The following SDS variants were observed in gnomAD, a reference collection of about 807,000 sequenced individuals.
SDS encodes the protein L-serine dehydratase/L-threonine deaminase.
A neutral mutation model predicts 29.3 loss-of-function variants in SDS; 19 were observed. The ratio of observed to expected loss-of-function variants is 0.65; its 90% CI spans 0.45 to 0.95. The LOEUF is 0.95. Ranked by LOEUF, SDS falls within the 40% of genes least tolerant of loss-of-function variation. The pLI, the probability that SDS is intolerant of heterozygous loss-of-function variation, is 0.00. For synonymous variants in SDS, 176 were observed against 189.0 expected, an observed-to-expected ratio of 0.93 and a Z score of 0.56; for missense variants, 375 against 439.9, an observed-to-expected ratio of 0.85 and a Z score of 1.32.
intron 6 of SDS, among the ~76,000 whole-genome samples, chr12:113,394,420 A>T (rs1351157363): frequency 4.0e-5 from 6 of 150,382 alleles, no homozygotes; most frequent in African/African-American, 1.5e-4. Flanking sequence ...GCTCACTGCA[A>T]TCTCTGCCTC....
chr12:113,399,216 C>T (rs1957668672), intron 2 of SDS, 65 bp from the exon 3 acceptor site: 2 of 1,535,954 alleles, frequency 1.3e-6, no homozygotes, highest in Middle Eastern at 1.7e-4. Context: ...TCTTCCTCCC[C>T]ACCTGGAATA....
chr12:113,396,198 A>G (rs1345655147), intron 6 of SDS, among the ~76,000 whole-genome samples: 1 of 152,188 alleles, frequency 6.6e-6, no homozygotes, highest in African/African-American at 2.4e-5. Context: ...CTCTCTCCCC[A>G]GATCAGCCAG....
chr12:113,393,174 G>A, intron 7 of SDS, 25 bp from the exon 8 acceptor site: 4 of 1,610,084 alleles, frequency 2.5e-6, no homozygotes, highest in Non-Finnish European at 3.4e-6. Context: ...GCGTGACAGG[G>A]GCGTGGCCTG....
intron 6 of SDS, among the ~76,000 whole-genome samples, chr12:113,394,741 C>A: frequency 6.6e-6 from 1 of 152,148 alleles, no homozygotes; most frequent in Non-Finnish European, 1.5e-5. Context: ...TAAGAGGACC[C>A]TTGTTGTTCC....
In SDS at chr12:113,398,521, AG is replaced by A. The variant is rs758898471; in HGVS notation, c.418del (p.Leu140SerfsTer10). On this transcript the variant is annotated frameshift_variant, in exon 5 of 8. Transcript: ENST00000257549. LOFTEE classifies it high-confidence loss of function. ...WVYIPPFDDP[L>X]IWEGHASIVK... ...GACCTTGAACTCCACATACCAGATG[AG>A]GGGGTCATCAAAGGGGGGAATGTAG... 1 of 1,588,746 alleles carries A rather than the reference AG, an allele frequency of 6.3e-7. No homozygotes were observed. The highest frequency in any genetic ancestry group is 1.9e-5 in the Admixed American group (1 of 53,216).
At chr12:113,395,570 T>C (rs1464115078) in intron 6 of SDS, among the ~76,000 whole-genome samples, 1 of 152,214 alleles carries the variant, frequency 6.6e-6, no homozygotes, top group Non-Finnish European at 1.5e-5. Context: ...GTGGAAGTGT[T>C]GTGTCTGTCT....
At chr12:113,401,896 T>A (rs1957686422) in intron 1 of SDS, among the ~76,000 whole-genome samples, 2 of 152,152 alleles carry the variant, frequency 1.3e-5, no homozygotes, top group Admixed American at 6.5e-5. Flanking sequence ...GGCTCTCTGG[T>A]TCCCCCTCCC....
intron 1 of SDS, among the ~76,000 whole-genome samples, chr12:113,400,827 G>A (rs933403068): frequency 6.6e-6 from 1 of 151,960 alleles, no homozygotes; most frequent in African/African-American, 2.4e-5. Flanking sequence ...GTTTTACCAT[G>A]TGCCTCTATT....
intron 1 of SDS, among the ~76,000 whole-genome samples, 193 bp downstream of exon 1, chr12:113,403,575 C>T (rs543071931): frequency 6.6e-6 from 1 of 152,096 alleles, no homozygotes; most frequent in Admixed American, 6.5e-5. Context: ...CACTCTGTTG[C>T]CCAGCTCAGT....
At position 113,398,569 on chromosome 12, in the gene SDS, G is replaced by C. The variant is rs148361294; in HGVS notation, c.371C>G (p.Ala124Gly). 2.5e-6 allele frequency: 4 copies of C among 1,595,464 alleles called. No individual in the cohort carries two copies. The highest frequency in any genetic ancestry group is 3.4e-6 in the Non-Finnish European group (4 of 1,170,082). Residue 124 changes from alanine (A) to glycine (G), a missense_variant, in exon 5 of 8, where the codon GCG becomes GGG. Coordinates refer to ENST00000257549, the MANE Select transcript of SDS (RefSeq NM_006843.3). ...GTAGACCCAACCCGGGTTGTTCTTC[G>C]CTAGGGCCTTGGCCAGCTCGAAGGC... ...DEAFELAKAL[A>G]KNNPGWVYIP...
chr12:113,397,506 AC>A (rs1957655189), intron 5 of SDS, 114 bp from the exon 6 acceptor site: 8 of 841,424 alleles, frequency 9.5e-6, no homozygotes, highest in South Asian at 3.6e-5. Context: ...TTCCCTCCCC[AC>A]CCCCAACCTT....
chr12:113,394,202 G>C (rs182892446), intron 6 of SDS, among the ~76,000 whole-genome samples, 186 bp from the exon 7 acceptor site: 1 of 152,172 alleles, frequency 6.6e-6, no homozygotes, highest in Non-Finnish European at 1.5e-5. Context: ...ACCAAGTGGG[G>C]TCTTCTAATA....
intron 4 of SDS, 49 bp from the exon 5 acceptor site, chr12:113,398,655 C>A: frequency 1.2e-6 from 2 of 1,606,132 alleles, no homozygotes; most frequent in Non-Finnish European, 1.7e-6. Flanking sequence ...AGGGGGCACC[C>A]TGTCCAGCCA....
intron 1 of SDS, among the ~76,000 whole-genome samples, chr12:113,400,641 A>G (rs1342172213): frequency 4.7e-5 from 7 of 148,214 alleles, no homozygotes; most frequent in Admixed American, 1.3e-4. Context: ...TATAGTCCAC[A>G]TGTTTCTTTT....
chr12:113,399,383 C>T, intron 2 of SDS, 173 bp downstream of exon 2: 2 of 915,320 alleles, frequency 2.2e-6, no homozygotes, highest in South Asian at 1.7e-5. Context: ...AAGGAACCCT[C>T]CTGGAAGGGC....
Position 113,398,773 on chromosome 12 carries a change from G to A in SDS, c.267C>T (p.Ser89=). The A allele has an allele frequency of 1.2e-6, 2 of 1,614,174 alleles. No homozygotes were observed. The highest frequency in any genetic ancestry group is 4.5e-5 in the East Asian group (2 of 44,882). Residue 89 remains serine, a synonymous_variant, in exon 4 of 8, where the codon AGC becomes AGT. Transcript: ENST00000257549. ...GCTCAATGGTGAGAGCAGGTGTGGTGCTGGGCACCACGATGGTGGCGGGGA... is the reference window on the plus strand; with the variant it reads ...GCTCAATGGTGAGAGCAGGTGTGGTACTGGGCACCACGATGGTGGCGGGGA... ...LGVPATIVVP[S]TTPALTIERL... is the part of the protein sequence containing the mutation.
At chr12:113,396,813 CTT>C (rs1411165627) in intron 6 of SDS, 2 of 288,428 alleles carry the variant, frequency 6.9e-6, no homozygotes, top group Admixed American at 4.5e-5. Flanking sequence ...AAACAAAAAA[CTT>C]TTTTTAGAGG....
chr12:113,393,916 C>A lies in SDS; in HGVS notation c.754G>T (p.Val252Leu), dbSNP rs199917625. Reference protein sequence around the residue: ...FSEVISDQEAVAAIEKFVDDE... With the variant: ...FSEVISDQEALAAIEKFVDDE... ...CCCACGAACTTCTCAATGGCGGCCA[C>A]AGCCTCCTGGTCCGAGATAACTTCA... Residue 252 changes from valine to leucine, a missense_variant, in exon 7 of 8, where the codon GTG becomes TTG. By Grantham distance (32) the Val-to-Leu change is conservative (BLOSUM62 1). Transcript: ENST00000257549. 6.2e-7 allele frequency: 1 copy of A among 1,614,222 alleles called. No individual in the cohort carries two copies. Among genetic ancestry groups the A allele is most frequent in the African/African-American group, 1.3e-5 (1 of 75,058 alleles).
At chr12:113,401,455 CTCCTGGCCTCAAGCG>C (rs552624578) in intron 1 of SDS, among the ~76,000 whole-genome samples, 11 of 152,254 alleles carry the variant, frequency 7.2e-5, no homozygotes, top group African/African-American at 2.6e-4. Context: ...TGGTCTCCAA[CTCCTGGCCTCAAGCG>C]TTCTGCCCAC....
Sources: allele counts gnomAD v4.1 joint callset (sites outside exome capture counted in the v4.1 genomes callset), GRCh38; gene constraint gnomAD v4.1.1; transcripts MANE v1.5; gene names NCBI Gene and HGNC (gene_info 2026-07-23, HGNC 2026-07-21).